The following SYNJ2 variants were observed in gnomAD, a reference collection of about 807,000 sequenced individuals.
SYNJ2 encodes polyphosphatidylinositol phosphatase SYNJ2.
Under a neutral mutation model 141.3 loss-of-function variants are expected in SYNJ2, and 116 were observed. The observed-to-expected ratio is 0.82, with a 90% CI of 0.71 to 0.96. The LOEUF is 0.96. Ranked by LOEUF, SYNJ2 falls within the 40% of genes least tolerant of loss-of-function variation. SYNJ2 has a pLI of 0.00. For missense variants in SYNJ2, 1,873 were observed against 1,934.8 expected (o/e 0.97, Z 0.60); for synonymous variants, 745 against 777.7 (o/e 0.96, Z 0.70).
chr6:157,988,976 A>G (rs1169853487), intron 1 of SYNJ2, among the ~76,000 whole-genome samples: 1 of 152,182 alleles, frequency 6.6e-6, no homozygotes, highest in Non-Finnish European at 1.5e-5. Context: ...CACGGGCAGG[A>G]GCCTTCTGGC....
At chr6:158,048,486 C>T (rs1327037467) in intron 5 of SYNJ2, among the ~76,000 whole-genome samples, 1 of 152,158 alleles carries the variant, frequency 6.6e-6, no homozygotes, top group African/African-American at 2.4e-5. Flanking sequence ...GAGGAGTTTG[C>T]ATCCCATACC....
In SYNJ2 at chr6:157,982,043, C is replaced by A; in HGVS notation, c.82C>A (p.Arg28Ser). 1.5e-6 allele frequency: 2 copies of A among 1,334,542 alleles called. No individual in the cohort carries two copies. Among genetic ancestry groups the A allele is most frequent in the Admixed American group, 3.8e-5 (1 of 26,432 alleles). The allele number at this position is 1,334,542 out of a possible 1,614,324, so 82.7% of individuals were successfully genotyped here. Residue 28 changes from arginine (R) to serine (S), a missense_variant, in exon 1 of 27, where the codon CGC becomes AGC. Arg to Ser is a moderately radical substitution (Grantham distance 110). Coordinates refer to ENST00000355585, the MANE Select transcript of SYNJ2 (RefSeq NM_003898.4). The surrounding 1 kb of genome is among the most constrained non-coding windows in gnomAD (Gnocchi z 4.0). ...DCSVLLEARG[R>S]DDCLLFEAGT... ...TAGCGTGCTGCTGGAGGCGCGCGGCCGCGACGACTGCCTGCTGTTCGAGGC... is the reference window on the plus strand; with the variant it reads ...TAGCGTGCTGCTGGAGGCGCGCGGCAGCGACGACTGCCTGCTGTTCGAGGC...
chr6:158,009,524 G>A (rs917639387), intron 1 of SYNJ2, among the ~76,000 whole-genome samples: 6 of 152,256 alleles, frequency 3.9e-5, no homozygotes, highest in African/African-American at 1.4e-4. Flanking sequence ...AGGAGTCGAG[G>A]AAGGGGGCTG....
chr6:158,023,317 C>G (rs890293516), intron 2 of SYNJ2, among the ~76,000 whole-genome samples: 31 of 150,134 alleles, frequency 2.1e-4, no homozygotes, highest in African/African-American at 7.6e-4. Context: ...ACAGAGAACA[C>G]AGTCAGGCAG....
rs1243972178 is a variant in SYNJ2 at position 158,048,539 on chromosome 6, G to A, written c.795+5140G>A. On this transcript the variant is annotated intron_variant, in intron 5 of 26. Transcript: ENST00000355585. ...TACTCCCCAACCTTGCTGCACAGAA[G>A]ACTCTGCTGGGGAGCTTGAAAAATC... Among the ~76,000 whole-genome samples, 4 of 152,208 alleles carry A rather than the reference G, an allele frequency of 2.6e-5. No homozygotes were observed. The South Asian group carries it at 8.3e-4, about 32-fold the overall frequency.
chr6:157,992,634 G>A (rs9459058), intron 1 of SYNJ2, among the ~76,000 whole-genome samples: 51,323 of 151,570 alleles, frequency 0.34, 10,909 homozygotes, highest in African/African-American at 0.62. Context: ...CTGACCTCTG[G>A]TGATCCACCC....
chr6:158,050,083 G>T (rs902444951), intron 5 of SYNJ2, among the ~76,000 whole-genome samples: 1 of 152,218 alleles, frequency 6.6e-6, no homozygotes, highest in African/African-American at 2.4e-5. Context: ...CACCTCTGCA[G>T]GTATGCACAT....
In SYNJ2 at chr6:158,096,445, A is replaced by G. The variant is rs1426862742; in HGVS notation, c.*81A>G. On this transcript the variant is annotated 3_prime_UTR_variant, in exon 27 of 27. Transcript: ENST00000355585. The stretch of plus-strand genomic sequence containing the variant: ...CATCCCTCCACCAGAAGAGACATCT[A>G]TTTAAAGGCACACTGGCCAAAACGT... 2.2e-5 allele frequency: 33 copies of G among 1,470,818 alleles called. No individual in the cohort carries two copies. The highest frequency in any genetic ancestry group is 2.8e-5 in the African/African-American group (2 of 71,062). The allele number at this position is 1,470,818 out of a possible 1,614,324, so 91.1% of individuals were successfully genotyped here. A position where few individuals can be genotyped will look rare whatever the true frequency, so the allele number is the denominator to read the frequency against.
At chr6:158,042,806 G>T (rs1256419414) in intron 4 of SYNJ2, among the ~76,000 whole-genome samples, 1 of 152,214 alleles carries the variant, frequency 6.6e-6, no homozygotes, top group Non-Finnish European at 1.5e-5. Flanking sequence ...AGATCAGGTT[G>T]AGTCTTGCAT....
Position 158,078,188 on chromosome 6 carries a change from G to A in SYNJ2, c.2474G>A (p.Ser825Asn). The A allele has an allele frequency of 1.2e-6, 2 of 1,613,044 alleles. No homozygotes were observed. The highest frequency in any genetic ancestry group is 1.7e-6 in the Non-Finnish European group (2 of 1,179,046). ...KTAGELNLLD[S>N]DLDVDTKVRH... ...GCTGGAGAACTCAACCTTCTAGACA[G>A]TGATCTAGATGTTGACACCAAAGTC... is the stretch of plus-strand genomic sequence containing the variant. Residue 825 changes from serine to asparagine, a missense_variant, in exon 18 of 27, where the codon AGT (serine) becomes AAT (asparagine). Transcript: ENST00000355585.
At chr6:158,061,907 G>A (rs947548328) in intron 7 of SYNJ2, 85 bp from the exon 8 acceptor site, 44 of 1,397,966 alleles carry the variant, frequency 3.1e-5, no homozygotes, top group Middle Eastern at 5.0e-4. Flanking sequence ...TTGGTTAGCC[G>A]CACGGGTCAA....
At chr6:158,044,271 TC>T (rs912963688) in intron 5 of SYNJ2, among the ~76,000 whole-genome samples, 3 of 152,088 alleles carry the variant, frequency 2.0e-5, no homozygotes, top group African/African-American at 7.2e-5. Context: ...GGACTCAGGG[TC>T]CCCAGTCCTG....
At chr6:158,068,433 G>A (rs1206064938) in intron 12 of SYNJ2, among the ~76,000 whole-genome samples, 1 of 152,258 alleles carries the variant, frequency 6.6e-6, no homozygotes, top group Admixed American at 6.5e-5. Context: ...GAACAGAATG[G>A]ACGGAGGGCC....
chr6:158,095,873 C>T lies in SYNJ2; in HGVS notation c.4000C>T (p.Pro1334Ser), dbSNP rs202164985. 4 of 1,614,106 alleles carry T rather than the reference C, an allele frequency of 2.5e-6. No individual in the cohort carries two copies. The highest frequency in any genetic ancestry group is 2.2e-5 in the East Asian group (1 of 44,882). ...GCCGCCTCTTGTGCCCAAGGTACCC[C>T]CGAGGAGGAAGAAGTCAGCCCCCGC... ...EAPPLVPKVP[P>S]RRKKSAPAAF... The change falls in exon 27 of 27, where the codon CCG becomes TCG. Residue 1334 changes from proline to serine, a missense_variant. Physicochemically the swap from Pro to Ser is moderately conservative, Grantham distance 74 (BLOSUM62 -1). Coordinates refer to ENST00000355585, the MANE Select transcript of SYNJ2 (RefSeq NM_003898.4).
Position 158,043,416 on chromosome 6 carries a change from C to T in SYNJ2, c.795+17C>T, listed in dbSNP as rs1780061423. 1 of 1,596,148 alleles carries T rather than the reference C, an allele frequency of 6.3e-7. No homozygotes were observed. The highest frequency in any genetic ancestry group is 8.6e-7 in the Non-Finnish European group (1 of 1,163,930). On this transcript the variant is annotated intron_variant, in intron 5 of 26. Transcript: ENST00000355585. This position sits in a 1 kb window ranked among gnomAD's most constrained non-coding sequence, Gnocchi z 4.0. Reference sequence around the variant, plus strand: ...GGGCTTCAGGTAGGTCATGAAAAAACTTAAATGTCCCCTTGTGATGTTGTC... The same window carrying T: ...GGGCTTCAGGTAGGTCATGAAAAAATTTAAATGTCCCCTTGTGATGTTGTC...
chr6:158,061,919 C>A, intron 7 of SYNJ2, 73 bp from the exon 8 acceptor site: 1 of 1,493,118 alleles, frequency 6.7e-7, no homozygotes, highest in Non-Finnish European at 9.1e-7. Context: ...ACGGGTCAAG[C>A]TCTGCAAGGA....
intron 2 of SYNJ2, among the ~76,000 whole-genome samples, chr6:158,023,037 C>T (rs535682436): frequency 1.3e-5 from 2 of 152,168 alleles, no homozygotes; most frequent in Admixed American, 6.5e-5. Context: ...ATCACTTGAG[C>T]CTAGAAGTTC....
chr6:158,093,147 C>T, intron 26 of SYNJ2, 43 bp downstream of exon 26: 1 of 1,581,030 alleles, frequency 6.3e-7, no homozygotes, highest in Non-Finnish European at 8.6e-7. Context: ...CTAAGTTGCT[C>T]ACATGTCTCG....
At chr6:158,077,667 A>AC (rs1782398388) in intron 17 of SYNJ2, 1 of 83,938 alleles carries the variant, frequency 1.2e-5, no homozygotes, top group African/African-American at 5.1e-5. Flanking sequence ...AAAAAAAAAA[A>AC]AAAAAAAAAA....
Sources: allele counts gnomAD v4.1 joint callset (sites outside exome capture counted in the v4.1 genomes callset), GRCh38; gene constraint gnomAD v4.1.1; non-coding constraint Gnocchi (gnomAD v3.1); transcripts MANE v1.5; gene names NCBI Gene and HGNC (gene_info 2026-07-23, HGNC 2026-07-21).